GALNTL6: variants seen among roughly 807,000 people sequenced by gnomAD.
The protein encoded by GALNTL6 is polypeptide N-acetylgalactosaminyltransferase-like 6.
In GALNTL6, 46 loss-of-function variants were observed where a neutral mutation model predicts 73.7. The observed-to-expected ratio is 0.62, with a 90% CI of 0.49 to 0.80. GALNTL6 has a LOEUF of 0.80. Among genes scored for constraint, GALNTL6 ranks in the 30% least tolerant of loss-of-function variants. The probability of loss-of-function intolerance (pLI) is 0.00; values close to 1 mark genes in which losing one functional copy is unlikely to be tolerated. For missense variants in GALNTL6, 604 were observed against 755.0 expected, an observed-to-expected ratio of 0.80 and a Z score of 2.34; for synonymous variants, 259 against 263.7, an observed-to-expected ratio of 0.98 and a Z score of 0.17.
chr4:172,707,325 G>C (rs1437090097), intron 5 of GALNTL6, among the ~76,000 whole-genome samples: 1 of 152,124 alleles, frequency 6.6e-6, no homozygotes, highest in Non-Finnish European at 1.5e-5. Context: ...GTTTGTTGTA[G>C]CAGTGACAAA....
At chr4:172,174,796 A>G (rs951159689) in intron 2 of GALNTL6, among the ~76,000 whole-genome samples, 15 of 152,320 alleles carry the variant, frequency 9.8e-5, no homozygotes, top group African/African-American at 2.9e-4. Flanking sequence ...GAGAAAGATG[A>G]TATGTACACA....
chr4:173,035,766 G>T (rs1753672887), intron 12 of GALNTL6, among the ~76,000 whole-genome samples: 1 of 152,190 alleles, frequency 6.6e-6, no homozygotes, highest in South Asian at 2.1e-4. Context: ...AGGTACTATT[G>T]CATCAATTTA....
chr4:172,391,836 G>A (rs771922812), intron 5 of GALNTL6, among the ~76,000 whole-genome samples: 7 of 152,162 alleles, frequency 4.6e-5, no homozygotes, highest in African/African-American at 1.2e-4. Context: ...AGAGGGATAT[G>A]TAATGGTTTC....
chr4:171,878,126 A>G (rs925330222), intron 2 of GALNTL6, among the ~76,000 whole-genome samples: 10 of 152,352 alleles, frequency 6.6e-5, no homozygotes, highest in African/African-American at 1.9e-4. Flanking sequence ...AGATAGCATC[A>G]GTCATTTGTG....
rs538136753 is a variant in GALNTL6 at position 172,367,253 on chromosome 4, C to A, written c.553+18564C>A. On this transcript the variant is annotated intron_variant, in intron 5 of 12. Coordinates refer to ENST00000506823, the MANE Select transcript of GALNTL6 (RefSeq NM_001034845.3). ...AACTCACAGATATGCTGGTTACTTTCTTCCCATGTTGGTCTTCCTACAAGG... is the reference window on the plus strand; with the variant it reads ...AACTCACAGATATGCTGGTTACTTTATTCCCATGTTGGTCTTCCTACAAGG... 5.9e-5 allele frequency among the ~76,000 whole-genome samples: 9 copies of A among 152,252 alleles called. No homozygotes were observed. The East Asian group carries it at 1.7e-3, about 29-fold the overall frequency.
intron 5 of GALNTL6, among the ~76,000 whole-genome samples, chr4:172,484,969 G>C (rs1733618310): frequency 6.6e-6 from 1 of 151,938 alleles, no homozygotes; most frequent in East Asian, 1.9e-4. Context: ...ACTTTAAATA[G>C]GATCTGCATT....
intron 2 of GALNTL6, among the ~76,000 whole-genome samples, chr4:172,030,620 G>T (rs1238307155): frequency 2.6e-5 from 4 of 152,004 alleles, no homozygotes; most frequent in Non-Finnish European, 5.9e-5. Context: ...TGAGGCAGGA[G>T]AATCACTTGA....
chr4:173,013,853 T>C (rs1023404644), intron 11 of GALNTL6, among the ~76,000 whole-genome samples: 1 of 152,194 alleles, frequency 6.6e-6, no homozygotes, highest in Non-Finnish European at 1.5e-5. Flanking sequence ...CACCAGTAAT[T>C]AACTGTAAGC....
chr4:172,252,152 TA>T (rs1277147091), intron 3 of GALNTL6, among the ~76,000 whole-genome samples: 18 of 152,186 alleles, frequency 1.2e-4, no homozygotes, highest in Middle Eastern at 3.4e-3. Flanking sequence ...AAAGAAAGTA[TA>T]ATGGATATCA....
intron 5 of GALNTL6, among the ~76,000 whole-genome samples, chr4:172,375,183 G>A (rs1742981503): frequency 6.6e-6 from 1 of 152,158 alleles, no homozygotes; most frequent in African/African-American, 2.4e-5. Flanking sequence ...TGCAAGCTTT[G>A]CATAGTTGTG....
At chr4:172,753,465 G>A (rs573829945) in intron 5 of GALNTL6, among the ~76,000 whole-genome samples, 1 of 152,144 alleles carries the variant, frequency 6.6e-6, no homozygotes, top group Non-Finnish European at 1.5e-5. Flanking sequence ...ATTATGTGAT[G>A]AAGTTTTTCT....
intron 2 of GALNTL6, among the ~76,000 whole-genome samples, chr4:171,867,562 A>G (rs1736003362): frequency 1.3e-5 from 2 of 152,200 alleles, no homozygotes; most frequent in East Asian, 1.9e-4. Context: ...AAATCAGACC[A>G]CTGTTGGCTT....
intron 5 of GALNTL6, among the ~76,000 whole-genome samples, chr4:172,455,679 C>T (rs773011757): frequency 2.0e-5 from 3 of 152,156 alleles, no homozygotes; most frequent in African/African-American, 4.8e-5. Flanking sequence ...CTGGGCAGGT[C>T]AAGTCTGAAA....
intron 4 of GALNTL6, among the ~76,000 whole-genome samples, chr4:172,320,342 G>T (rs577722822): frequency 6.6e-6 from 1 of 152,242 alleles, no homozygotes; most frequent in South Asian, 2.1e-4. Flanking sequence ...TGTTGGCCTT[G>T]TCCCCACCCT....
chr4:171,951,540 C>T (rs570925744), intron 2 of GALNTL6, among the ~76,000 whole-genome samples: 45 of 152,036 alleles, frequency 3.0e-4, no homozygotes, highest in African/African-American at 1.0e-3. Flanking sequence ...AATATTAACA[C>T]TTTTATATAT....
chr4:171,959,234 A>T (rs72993030), intron 2 of GALNTL6, among the ~76,000 whole-genome samples: 1 of 151,992 alleles, frequency 6.6e-6, no homozygotes, highest in Non-Finnish European at 1.5e-5. Flanking sequence ...TTTTTTTTTG[A>T]AAACAATATA....
chr4:172,230,248 G>A (rs1302619884), intron 3 of GALNTL6, among the ~76,000 whole-genome samples: 1 of 152,178 alleles, frequency 6.6e-6, no homozygotes, highest in East Asian at 1.9e-4. Flanking sequence ...CAATCAGGCA[G>A]TTAAACGGAA....
chr4:172,140,634 T>G (rs921474716), intron 2 of GALNTL6, among the ~76,000 whole-genome samples: 2 of 152,036 alleles, frequency 1.3e-5, no homozygotes, highest in Non-Finnish European at 2.9e-5. Flanking sequence ...ACAGGAACGC[T>G]GTCTCCAGAA....
chr4:172,802,899 AG>A (rs1165560025), intron 5 of GALNTL6, among the ~76,000 whole-genome samples: 1 of 152,246 alleles, frequency 6.6e-6, no homozygotes, highest in African/African-American at 2.4e-5. Flanking sequence ...TTCCAGAGGA[AG>A]GTCTTCAAAA....
Sources: gnomAD v4.1 joint callset for allele counts (sites outside exome capture counted in the v4.1 genomes callset) on GRCh38, gnomAD v4.1.1 for gene constraint, MANE v1.5 for transcripts, NCBI Gene and HGNC (gene_info 2026-07-23, HGNC 2026-07-21) for gene names.